The following CPEB1 variants were observed in gnomAD, a reference collection of about 807,000 sequenced individuals.
CPEB1 encodes the protein cytoplasmic polyadenylation element binding protein 1.
CPEB1 carries 7 observed loss-of-function variants against 65.8 expected under a neutral mutation model. The observed-to-expected ratio is 0.11, with a 90% CI of 0.06 to 0.20. The LOEUF (loss-of-function observed/expected upper bound fraction) is 0.20, where lower values mean the gene tolerates loss of function less well. Among genes scored for constraint, CPEB1 ranks in the 10% least tolerant of loss-of-function variants. The pLI, the probability that CPEB1 is intolerant of heterozygous loss-of-function variation, is 1.00. For missense variants in CPEB1, 551 were observed against 712.2 expected (o/e 0.77, Z 2.58); for synonymous variants, 262 against 260.0 (o/e 1.01, Z -0.08).
intron 3 of CPEB1, among the ~76,000 whole-genome samples, chr15:82,602,430 T>C (rs921629263): frequency 3.9e-5 from 6 of 152,208 alleles, no homozygotes; most frequent in South Asian, 2.1e-4. Context: ...ATGCCTGTTA[T>C]ACAAGTGCTT....
intron 3 of CPEB1, among the ~76,000 whole-genome samples, chr15:82,606,600 C>CTT (rs1477315601): frequency 2.1e-5 from 1 of 47,598 alleles, no homozygotes; most frequent in Non-Finnish European, 4.2e-5. Context: ...GGGCGGATCA[C>CTT]GAGGTCAGGA....
At chr15:82,570,719 CA>C (rs1478308932) in intron 4 of CPEB1, among the ~76,000 whole-genome samples, 15 of 150,886 alleles carry the variant, frequency 9.9e-5, no homozygotes, top group Admixed American at 3.3e-4. Context: ...ACTCTCAACA[CA>C]AAGGGAAAAA....
chr15:82,565,675 G>A (rs2038999486), intron 4 of CPEB1, among the ~76,000 whole-genome samples: 1 of 152,210 alleles, frequency 6.6e-6, no homozygotes, highest in Admixed American at 6.5e-5. Context: ...TAGAGGAGGG[G>A]GAGGGGTGGT....
At chr15:82,626,071 G>T (rs561950670) in intron 3 of CPEB1, among the ~76,000 whole-genome samples, 32 of 152,052 alleles carry the variant, frequency 2.1e-4, no homozygotes, top group African/African-American at 6.8e-4. Flanking sequence ...AGTGAGCTGA[G>T]ATCGCACCAC....
At chr15:82,560,738 G>C (rs2038056362) in intron 4 of CPEB1, among the ~76,000 whole-genome samples, 1 of 152,186 alleles carries the variant, frequency 6.6e-6, no homozygotes, top group African/African-American at 2.4e-5. Context: ...AAGGAGATCT[G>C]CAGAGCTGTT....
intron 9 of CPEB1, 136 bp from the exon 10 acceptor site, chr15:82,549,794 A>C: frequency 1.3e-6 from 1 of 787,568 alleles, no homozygotes; most frequent in South Asian, 1.8e-5. Context: ...GCTGTTGCCC[A>C]ATCTCAGGCA....
At chr15:82,633,992 A>G (rs1426753740) in intron 1 of CPEB1, among the ~76,000 whole-genome samples, 1 of 151,938 alleles carries the variant, frequency 6.6e-6, no homozygotes, top group Non-Finnish European at 1.5e-5. Context: ...GGTAGCACCT[A>G]CTTTGCAGAC....
intron 3 of CPEB1, among the ~76,000 whole-genome samples, chr15:82,615,371 C>CA (rs2044616389): frequency 6.6e-6 from 1 of 152,196 alleles, no homozygotes; most frequent in Non-Finnish European, 1.5e-5. Context: ...TCTGAAGTGA[C>CA]AACCAAGCCA....
chr15:82,595,268 A>C (rs2042585279), intron 3 of CPEB1, among the ~76,000 whole-genome samples: 1 of 152,248 alleles, frequency 6.6e-6, no homozygotes, highest in South Asian at 2.1e-4. Context: ...TATGAACGAC[A>C]CTGTTACAAA....
intron 3 of CPEB1, among the ~76,000 whole-genome samples, chr15:82,615,316 T>C (rs2044611514): frequency 1.3e-5 from 2 of 152,326 alleles, no homozygotes; most frequent in African/African-American, 2.4e-5. Flanking sequence ...ATCTCACAGA[T>C]TGACAGACTA....
rs112872369 is a variant in CPEB1 at position 82,552,299 on chromosome 15, C to CTT, written c.1281+179_1281+180dup. Among the ~76,000 whole-genome samples the CTT allele has an allele frequency of 5.6e-4, 78 of 139,390 alleles. 2 individuals carry two copies. The highest frequency in any genetic ancestry group is 1.3e-3 in the African/African-American group (49 of 38,454). The allele number at this position is 139,390 out of a possible 152,430, so 91.4% of individuals were successfully genotyped here. On this transcript the variant is annotated intron_variant, in intron 9 of 12. Transcript: ENST00000684509. ...ACACCCCATTAAGTCCCAAAGGTTGCTTTTTTTTTTTTTTAATGTAATTGA... is the reference window on the plus strand; with the variant it reads ...ACACCCCATTAAGTCCCAAAGGTTGCTTTTTTTTTTTTTTTTAATGTAATTGA...
chr15:82,562,319 T>C, intron 4 of CPEB1: 1 of 420,614 alleles, frequency 2.4e-6, no homozygotes, highest in Non-Finnish European at 4.7e-6. Context: ...CTTAAATCTA[T>C]CTAGGGCCTT....
At chr15:82,604,265 C>G (rs879786942) in intron 3 of CPEB1, among the ~76,000 whole-genome samples, 3 of 152,112 alleles carry the variant, frequency 2.0e-5, no homozygotes, top group Non-Finnish European at 4.4e-5. Context: ...AGGCGGATCA[C>G]AAGGTCAGGA....
At chr15:82,638,268 C>G in intron 1 of CPEB1, among the ~76,000 whole-genome samples, 1 of 152,158 alleles carries the variant, frequency 6.6e-6, no homozygotes, top group East Asian at 1.9e-4. Context: ...TCTTCATATG[C>G]TGTTACATTA....
chr15:82,558,042 G>T, intron 4 of CPEB1, 56 bp from the exon 5 acceptor site: 1 of 1,286,432 alleles, frequency 7.8e-7, no homozygotes, highest in Non-Finnish European at 1.1e-6. Flanking sequence ...GCAGCCAACA[G>T]CCTCTTTCTT....
chr15:82,619,713 G>A (rs142661458), intron 3 of CPEB1, among the ~76,000 whole-genome samples: 1 of 152,218 alleles, frequency 6.6e-6, no homozygotes, highest in East Asian at 1.9e-4. Flanking sequence ...CTAAGGACAT[G>A]AACATTAAAA....
chr15:82,617,852 G>A (rs1345146219), intron 3 of CPEB1, among the ~76,000 whole-genome samples: 1 of 141,618 alleles, frequency 7.1e-6, no homozygotes, highest in Non-Finnish European at 1.5e-5. Flanking sequence ...TCCTGCCTCA[G>A]CCTCCCAAGT....
In CPEB1 at chr15:82,562,255, A is replaced by T. The variant is rs963448707; in HGVS notation, c.461-4269T>A. 86 of 452,252 alleles carry T rather than the reference A, an allele frequency of 1.9e-4. 3 individuals are homozygous for T. Among genetic ancestry groups the T allele is most frequent in the South Asian group, 1.6e-5 (1 of 63,672 alleles). 28.0% of individuals were successfully genotyped at this position (452,252 alleles called of 1,614,324 possible). ...AATCCTGTAAGACCATCAACTACAG[A>T]CTACTGATCTTCCCTACCAGAAGTC... On this transcript the variant is annotated intron_variant, in intron 4 of 12. Transcript: ENST00000684509.
At chr15:82,619,007 A>G (rs2045035793) in intron 3 of CPEB1, among the ~76,000 whole-genome samples, 1 of 152,196 alleles carries the variant, frequency 6.6e-6, no homozygotes, top group East Asian at 1.9e-4. Context: ...GATCCAAGAA[A>G]AGCCAAGAAT....
Sources: gnomAD v4.1 joint callset for allele counts (sites outside exome capture counted in the v4.1 genomes callset) on GRCh38, gnomAD v4.1.1 for gene constraint, MANE v1.5 for transcripts, NCBI Gene and HGNC (gene_info 2026-07-23, HGNC 2026-07-21) for gene names.